ZMAT4: variants seen among roughly 807,000 people sequenced by gnomAD.
ZMAT4 encodes the protein zinc finger matrin-type 4, also known as zinc finger matrin-type protein 4.
In ZMAT4, 17 loss-of-function variants were observed where a neutral mutation model predicts 28.7. The ratio of observed to expected loss-of-function variants is 0.59; its 90% CI spans 0.41 to 0.89. The LOEUF (loss-of-function observed/expected upper bound fraction) is 0.89, where lower values mean the gene tolerates loss of function less well. Among genes scored for constraint, ZMAT4 ranks in the 40% least tolerant of loss-of-function variants. The pLI, the probability that ZMAT4 is intolerant of heterozygous loss-of-function variation, is 0.00. For synonymous variants in ZMAT4, 117 were observed against 109.2 expected (o/e 1.07, Z -0.44); for missense variants, 240 against 283.8 (o/e 0.85, Z 1.11).
chr8:40,889,605 C>G (rs976129057), intron 1 of ZMAT4, among the ~76,000 whole-genome samples: 3 of 152,074 alleles, frequency 2.0e-5, no homozygotes, highest in African/African-American at 7.2e-5. Flanking sequence ...ACTACATACA[C>G]CTTTTGTTTT....
At chr8:40,784,294 A>C (rs1287154272) in intron 2 of ZMAT4, among the ~76,000 whole-genome samples, 1 of 152,210 alleles carries the variant, frequency 6.6e-6, no homozygotes, top group African/African-American at 2.4e-5. Flanking sequence ...TATTCACCAC[A>C]TTAATAGACT....
chr8:40,548,829 C>T (rs1004754868), intron 6 of ZMAT4, among the ~76,000 whole-genome samples: 7 of 152,146 alleles, frequency 4.6e-5, no homozygotes, highest in Non-Finnish European at 1.0e-4. Context: ...ATCTTGTGAT[C>T]TTGTAGGCAT....
At chr8:40,859,741 T>C (rs1419686969) in intron 1 of ZMAT4, among the ~76,000 whole-genome samples, 1 of 151,996 alleles carries the variant, frequency 6.6e-6, no homozygotes, top group African/African-American at 2.4e-5. Flanking sequence ...TAACCAAGCT[T>C]CTAAAAGAGC....
At chr8:40,653,933 G>A (rs1022165202) in intron 5 of ZMAT4, among the ~76,000 whole-genome samples, 6 of 152,172 alleles carry the variant, frequency 3.9e-5, no homozygotes, top group Admixed American at 3.9e-4. Context: ...ATATAAATGA[G>A]CCAAAGATGG....
chr8:40,796,917 C>T lies in ZMAT4; in HGVS notation c.102+28658G>A, dbSNP rs1814624464. Among the ~76,000 whole-genome samples, 2 of 152,162 alleles carry T rather than the reference C, an allele frequency of 1.3e-5. 1 individual carries two copies. Among genetic ancestry groups the T allele is most frequent in the South Asian group, 4.1e-4 (2 of 4,824 alleles). ...GGGCAGGATCCATGCAGCACAAGGC[C>T]TTCCAGCCCCATAACTGGCTAACTG... On this transcript the variant is annotated intron_variant, in intron 2 of 6. Coordinates refer to ENST00000297737, the MANE Select transcript of ZMAT4 (RefSeq NM_024645.3).
At chr8:40,866,981 G>T (rs149446952) in intron 1 of ZMAT4, among the ~76,000 whole-genome samples, 1 of 152,264 alleles carries the variant, frequency 6.6e-6, no homozygotes, top group Non-Finnish European at 1.5e-5. Flanking sequence ...TGGTATAGAT[G>T]CTCTAACTAA....
chr8:40,597,541 A>C (rs981462550), intron 5 of ZMAT4, among the ~76,000 whole-genome samples: 2 of 152,112 alleles, frequency 1.3e-5, no homozygotes, highest in African/African-American at 4.8e-5. Flanking sequence ...TAAACTGCAA[A>C]CCTCAACCCC....
At chr8:40,648,300 G>A (rs1413110089) in intron 5 of ZMAT4, among the ~76,000 whole-genome samples, 7 of 151,648 alleles carry the variant, frequency 4.6e-5, no homozygotes, top group South Asian at 2.1e-4. Context: ...GAGCCGATGC[G>A]ATCAACTGGA....
intron 2 of ZMAT4, among the ~76,000 whole-genome samples, chr8:40,788,115 G>A (rs1335363993): frequency 6.6e-6 from 1 of 152,218 alleles, no homozygotes; most frequent in South Asian, 2.1e-4. Context: ...GACCAATGGG[G>A]AAACAAATAG....
At chr8:40,570,918 G>A (rs1036673662) in intron 6 of ZMAT4, among the ~76,000 whole-genome samples, 4 of 151,980 alleles carry the variant, frequency 2.6e-5, no homozygotes, top group African/African-American at 9.7e-5. Context: ...AACCACATCG[G>A]GTAATGACCT....
chr8:40,827,413 C>T (rs1816102561), intron 1 of ZMAT4, among the ~76,000 whole-genome samples: 1 of 152,140 alleles, frequency 6.6e-6, no homozygotes, highest in Non-Finnish European at 1.5e-5. Context: ...CAACAGTGAA[C>T]TGTGTAAAGT....
chr8:40,827,051 C>T (rs149063079), intron 1 of ZMAT4, among the ~76,000 whole-genome samples: 340 of 152,282 alleles, frequency 2.2e-3, no homozygotes, highest in African/African-American at 7.7e-3. Flanking sequence ...TCACCACCAT[C>T]ATCTTACCTA....
chr8:40,869,255 T>A (rs1364015149), intron 1 of ZMAT4, among the ~76,000 whole-genome samples: 1 of 152,160 alleles, frequency 6.6e-6, no homozygotes, highest in Non-Finnish European at 1.5e-5. Context: ...TTACACCACC[T>A]CGAGTCTGCA....
intron 5 of ZMAT4, among the ~76,000 whole-genome samples, chr8:40,587,575 C>T (rs908198941): frequency 2.6e-5 from 4 of 151,860 alleles, no homozygotes; most frequent in Non-Finnish European, 5.9e-5. Flanking sequence ...TAAGGTTGTA[C>T]ACTGTAATCT....
At chr8:40,574,728 C>G (rs1804205596) in intron 6 of ZMAT4, among the ~76,000 whole-genome samples, 1 of 152,166 alleles carries the variant, frequency 6.6e-6, no homozygotes, top group Non-Finnish European at 1.5e-5. Flanking sequence ...ACGTTTGACT[C>G]AGAGCCAAGA....
intron 2 of ZMAT4, among the ~76,000 whole-genome samples, chr8:40,781,826 G>C (rs1813849360): frequency 6.7e-6 from 1 of 149,244 alleles, no homozygotes; most frequent in Admixed American, 6.7e-5. Flanking sequence ...TCCATTGGTG[G>C]TTAATGGATT....
intron 1 of ZMAT4, among the ~76,000 whole-genome samples, chr8:40,876,846 A>G (rs1322967161): frequency 6.6e-6 from 1 of 152,228 alleles, no homozygotes; most frequent in African/African-American, 2.4e-5. Context: ...CATTGTTCAC[A>G]GATGGACTGT....
At chr8:40,810,467 A>G (rs1411539935) in intron 2 of ZMAT4, among the ~76,000 whole-genome samples, 1 of 152,230 alleles carries the variant, frequency 6.6e-6, no homozygotes. Flanking sequence ...GTGATACCCC[A>G]AATTACAAGG....
intron 5 of ZMAT4, among the ~76,000 whole-genome samples, chr8:40,585,660 A>G (rs1804645308): frequency 6.6e-6 from 1 of 152,188 alleles, no homozygotes; most frequent in South Asian, 2.1e-4. Context: ...ATGATTCAGT[A>G]AGATTATTAC....
Sources: gnomAD v4.1 joint callset for allele counts (sites outside exome capture counted in the v4.1 genomes callset) on GRCh38, gnomAD v4.1.1 for gene constraint, MANE v1.5 for transcripts, NCBI Gene and HGNC (gene_info 2026-07-23, HGNC 2026-07-21) for gene names.